The following PHKA2 variants were observed in gnomAD, a reference collection of about 807,000 sequenced individuals.
PHKA2 encodes the protein phosphorylase b kinase regulatory subunit alpha, liver isoform.
A neutral mutation model predicts 102.0 loss-of-function variants in PHKA2; 31 were observed. That is an observed-to-expected ratio of 0.30 (90% CI 0.23 to 0.41). The LOEUF (loss-of-function observed/expected upper bound fraction) is 0.41, where lower values mean the gene tolerates loss of function less well. PHKA2 is among the 10% of genes least tolerant of loss of function. PHKA2 has a pLI of 1.00. For synonymous variants in PHKA2, 455 were observed against 416.2 expected (o/e 1.09, Z -1.13); for missense variants, 858 against 1,023.1 (o/e 0.84, Z 2.20).
intron 1 of PHKA2, among the ~76,000 whole-genome samples, chrX:18,979,605 T>C (rs1457749948): frequency 1.8e-5 from 2 of 111,887 alleles, no homozygotes; most frequent in Non-Finnish European, 3.8e-5. Flanking sequence ...CTAGAGTATA[T>C]ATATTTACAA....
intron 31 of PHKA2, 114 bp downstream of exon 31, chrX:18,895,024 A>C (rs187652466): frequency 3.9e-4 from 278 of 721,834 alleles, no homozygotes; most frequent in East Asian, 5.7e-4. Flanking sequence ...AGAGCTACAA[A>C]TGGCCTGTCA....
intron 30 of PHKA2, 167 bp from the exon 31 acceptor site, chrX:18,895,358 G>A (rs1202127813): frequency 5.9e-6 from 3 of 505,157 alleles, no homozygotes; most frequent in Non-Finnish European, 1.1e-5. Context: ...TGTTCTCACT[G>A]CCCACAGGCT....
chrX:18,919,194 G>A (rs191827216), intron 18 of PHKA2, among the ~76,000 whole-genome samples: 169 of 111,670 alleles, frequency 1.5e-3, no homozygotes, highest in African/African-American at 5.3e-3. Context: ...GTTTTAATTT[G>A]TCATGAGTGA....
chrX:18,923,501 A>G (rs762486192), intron 17 of PHKA2, among the ~76,000 whole-genome samples: 1 of 112,099 alleles, frequency 8.9e-6, no homozygotes, highest in South Asian at 3.8e-4. Flanking sequence ...GTGCTTAAGC[A>G]TAATACCTGG....
At chrX:18,916,541 T>C (rs913603564) in intron 19 of PHKA2, among the ~76,000 whole-genome samples, 11 of 112,131 alleles carry the variant, frequency 9.8e-5, no homozygotes. Flanking sequence ...TGGGAGGTGT[T>C]TGGATCATGG....
chrX:18,928,815 G>A (rs2048260982), intron 13 of PHKA2, among the ~76,000 whole-genome samples: 1 of 112,883 alleles, frequency 8.9e-6, no homozygotes, highest in African/African-American at 3.2e-5. Flanking sequence ...GCTGGCTGGA[G>A]AGGAGGGAGA....
intron 22 of PHKA2, among the ~76,000 whole-genome samples, chrX:18,907,580 T>C (rs1335498236): frequency 8.9e-6 from 1 of 111,960 alleles, no homozygotes; most frequent in African/African-American, 3.3e-5. Context: ...GGGTTATAAA[T>C]ATTAATGATC....
rs1039494261 is a variant in PHKA2 at position 18,924,685 on chromosome X, A to G, written c.1570-160T>C. 6.7e-4 allele frequency among the ~76,000 whole-genome samples: 75 copies of G among 112,214 alleles called. 1 individual carries two copies. The highest frequency in any genetic ancestry group is 2.2e-3 in the African/African-American group (68 of 30,953). On this transcript the variant is annotated intron_variant, in intron 15 of 32. Coordinates refer to ENST00000379942, the MANE Select transcript of PHKA2 (RefSeq NM_000292.3). ...TCATGGGGCTGCCCTGCTCAAGATC[A>G]GACAAATCAGTCTGCTGCCTGCCCG...
chrX:18,969,527 T>C (rs1383642215), intron 1 of PHKA2, among the ~76,000 whole-genome samples: 3 of 112,291 alleles, frequency 2.7e-5, no homozygotes, highest in Non-Finnish European at 5.6e-5. Flanking sequence ...TGTTTTTTTT[T>C]TCCTTTTCTT....
At position 18,893,566 on chromosome X, in the gene PHKA2, A is replaced by G; in HGVS notation, c.3627T>C (p.Tyr1209=). The part of the protein sequence containing the change: ...FFYDSAPSGA[Y]GTMTYLTRAV... Reference sequence around the variant, plus strand: ...CTCTTGTTAGGTAGGTCATCGTCCCATAAGCCCCACTCGGAGCGCTGTCAT... The same window carrying G: ...CTCTTGTTAGGTAGGTCATCGTCCCGTAAGCCCCACTCGGAGCGCTGTCAT... The change falls in exon 33 of 33, where the codon TAT becomes TAC. Residue 1209 remains tyrosine (Y), a synonymous_variant. Transcript: ENST00000379942. 1 of 1,211,659 alleles carries G rather than the reference A, an allele frequency of 8.3e-7. No homozygotes were observed. The highest frequency in any genetic ancestry group is 1.1e-6 in the Non-Finnish European group (1 of 895,027).
At chrX:18,980,429 C>T (rs1263406052) in intron 1 of PHKA2, among the ~76,000 whole-genome samples, 1 of 112,976 alleles carries the variant, frequency 8.9e-6, no homozygotes, top group Admixed American at 9.3e-5. Flanking sequence ...AGAAAAACCA[C>T]CCTGTGGCAG....
intron 1 of PHKA2, among the ~76,000 whole-genome samples, chrX:18,972,968 TC>T (rs1374431848): frequency 3.6e-5 from 4 of 112,379 alleles, no homozygotes. Flanking sequence ...TTACCCTTTA[TC>T]AAGATAATAA....
At chrX:18,920,666 G>A (rs1378344346) in intron 17 of PHKA2, among the ~76,000 whole-genome samples, 1 of 111,704 alleles carries the variant, frequency 9.0e-6, no homozygotes, top group Admixed American at 9.5e-5. Flanking sequence ...TATGATGGAA[G>A]AGGTCAGGTT....
intron 4 of PHKA2, among the ~76,000 whole-genome samples, chrX:18,949,078 G>A (rs1370576073): frequency 1.8e-5 from 2 of 111,669 alleles, no homozygotes; most frequent in Non-Finnish European, 3.8e-5. Context: ...GTGCCTATGA[G>A]TAGAAAGGGA....
chrX:18,962,267 G>T (rs1028663551), intron 1 of PHKA2, among the ~76,000 whole-genome samples: 1 of 111,317 alleles, frequency 9.0e-6, no homozygotes, highest in Non-Finnish European at 1.9e-5. Context: ...TTGTGGGTGC[G>T]TGCATGGGCA....
intron 1 of PHKA2, among the ~76,000 whole-genome samples, chrX:18,962,548 C>A (rs1174051777): frequency 8.9e-6 from 1 of 111,754 alleles, no homozygotes; most frequent in Admixed American, 9.6e-5. Flanking sequence ...GCCAAATCAC[C>A]TTTCACACCA....
chrX:18,947,284 T>C (rs2048597138), intron 5 of PHKA2, among the ~76,000 whole-genome samples: 1 of 112,439 alleles, frequency 8.9e-6, no homozygotes, highest in African/African-American at 3.2e-5. Flanking sequence ...TAGACCATAG[T>C]GGCTTTTTTA....
At chrX:18,958,558 A>G (rs1291130957) in intron 1 of PHKA2, among the ~76,000 whole-genome samples, 1 of 110,497 alleles carries the variant, frequency 9.1e-6, no homozygotes, top group Non-Finnish European at 1.9e-5. Context: ...TGATGGATGT[A>G]AAGTGATATC....
intron 32 of PHKA2, 131 bp from the exon 33 acceptor site, chrX:18,893,786 A>G (rs935745917): frequency 3.2e-6 from 2 of 615,876 alleles, no homozygotes; most frequent in African/African-American, 4.4e-5. Flanking sequence ...GCCTTCTGAG[A>G]GGCTCCAATT....
Sources: allele counts gnomAD v4.1 joint callset (sites outside exome capture counted in the v4.1 genomes callset), GRCh38; gene constraint gnomAD v4.1.1; transcripts MANE v1.5; gene names NCBI Gene and HGNC (gene_info 2026-07-23, HGNC 2026-07-21).